Variants in CTSS observed in about 807,000 individuals in gnomAD.
CTSS encodes cathepsin S.
CTSS carries 15 observed loss-of-function variants against 39.9 expected under a neutral mutation model. The ratio of observed to expected loss-of-function variants is 0.38; its 90% CI spans 0.25 to 0.58. The LOEUF (loss-of-function observed/expected upper bound fraction) is 0.58. Among genes scored for constraint, CTSS ranks in the 20% least tolerant of loss-of-function variants. The pLI is 0.70. For synonymous variants in CTSS, 126 were observed against 138.2 expected (o/e 0.91, Z 0.62); for missense variants, 250 against 398.2 (o/e 0.63, Z 3.17).
intron 2 of CTSS, 73 bp from the exon 3 acceptor site, chr1:150,758,053 A>AT (rs371205604): frequency 0.2 from 224,387 of 1,129,342 alleles, 72 homozygotes; most frequent in Non-Finnish European, 0.21. Context: ...GAAAATGGCA[A>AT]TTTTTTTTTT....
intron 7 of CTSS, among the ~76,000 whole-genome samples, chr1:150,740,688 G>A (rs1008244658): frequency 1.8e-4 from 28 of 151,660 alleles, no homozygotes; most frequent in African/African-American, 5.3e-4. Context: ...CACTGTGCCC[G>A]GCCTCCTTCC....
intron 2 of CTSS, among the ~76,000 whole-genome samples, chr1:150,758,367 A>C (rs1653178346): frequency 6.6e-6 from 1 of 152,002 alleles, no homozygotes; most frequent in African/African-American, 2.4e-5. Flanking sequence ...GCATTTTTGA[A>C]GCATTCTACC....
intron 2 of CTSS, among the ~76,000 whole-genome samples, chr1:150,759,350 T>G (rs1294193431): frequency 1.3e-5 from 2 of 152,148 alleles, no homozygotes; most frequent in Non-Finnish European, 2.9e-5. Flanking sequence ...CCTAATTCTC[T>G]TCTTCAGAAA....
At chr1:150,760,262 T>C (rs1280555508) in intron 2 of CTSS, among the ~76,000 whole-genome samples, 1 of 152,138 alleles carries the variant, frequency 6.6e-6, no homozygotes, top group Non-Finnish European at 1.5e-5. Flanking sequence ...AACCGTATGA[T>C]CATTTAAATA....
chr1:150,747,920 T>A, intron 6 of CTSS, 41 bp from the exon 7 acceptor site: 1 of 1,305,890 alleles, frequency 7.7e-7, no homozygotes, highest in Non-Finnish European at 1.1e-6. Context: ...GTGAATACTA[T>A]AGGATAATAA....
At chr1:150,736,126 T>A (rs1652632368) in intron 7 of CTSS, among the ~76,000 whole-genome samples, 4 of 152,110 alleles carry the variant, frequency 2.6e-5, no homozygotes, top group Admixed American at 2.6e-4. Context: ...TCTTTTAATA[T>A]CCAGTTTGAT....
chr1:150,755,195 A>G (rs1000137095), intron 3 of CTSS, 45 bp from the exon 4 acceptor site: 8 of 1,592,914 alleles, frequency 5.0e-6, no homozygotes, highest in Non-Finnish European at 6.9e-6. Flanking sequence ...TGACTGGAAT[A>G]TGTTCTGAGA....
chr1:150,750,495 C>A (rs1039787793), intron 5 of CTSS, among the ~76,000 whole-genome samples: 2 of 152,090 alleles, frequency 1.3e-5, no homozygotes, highest in African/African-American at 4.8e-5. Flanking sequence ...GCTTTAAAAT[C>A]TTTTTGATGC....
At chr1:150,746,486 C>A (rs778610742) in intron 7 of CTSS, among the ~76,000 whole-genome samples, 2 of 152,092 alleles carry the variant, frequency 1.3e-5, no homozygotes, top group African/African-American at 4.8e-5. Context: ...CCCAAAGGCA[C>A]GTACAGAACA....
Position 150,764,723 on chromosome 1 carries a change from G to A in CTSS, c.41C>T (p.Ala14Val), listed in dbSNP as rs1277470350. 1 of 1,614,084 alleles carries A rather than the reference G, an allele frequency of 6.2e-7. No homozygotes were observed. Among genetic ancestry groups the A allele is most frequent in the Admixed American group, 1.7e-5 (1 of 60,012 alleles). ...AGGATCTTTATGCAACTGTGCCACTGCAGAGGAGCACACCAAGAGCACACA... is the reference window on the plus strand; with the variant it reads ...AGGATCTTTATGCAACTGTGCCACTACAGAGGAGCACACCAAGAGCACACA... ...LVCVLLVCSS[A>V]VAQLHKDPTL... Residue 14 changes from alanine (A) to valine (V), a missense_variant, in exon 2 of 8, where the codon GCA becomes GTA. Coordinates refer to ENST00000368985, the MANE Select transcript of CTSS (RefSeq NM_004079.5).
At chr1:150,754,965 A>G (rs1473714852) in intron 4 of CTSS, 36 bp downstream of exon 4, 2 of 1,598,568 alleles carry the variant, frequency 1.3e-6, no homozygotes, top group Non-Finnish European at 1.7e-6. Flanking sequence ...AAAGAGCTCT[A>G]CCTAGGGTTC....
intron 1 of CTSS, 42 bp from the exon 2 acceptor site, chr1:150,764,806 G>A: frequency 6.2e-7 from 1 of 1,604,470 alleles, no homozygotes. Context: ...GCTATTAGCT[G>A]CATATGTTGT....
intron 2 of CTSS, among the ~76,000 whole-genome samples, chr1:150,762,787 T>C (rs1344469426): frequency 6.6e-6 from 1 of 152,140 alleles, no homozygotes; most frequent in African/African-American, 2.4e-5. Context: ...TTGGTGAGGA[T>C]GTGGAGAAAA....
chr1:150,747,276 A>C (rs1652911283), intron 7 of CTSS, among the ~76,000 whole-genome samples: 3 of 152,076 alleles, frequency 2.0e-5, no homozygotes, highest in Admixed American at 2.0e-4. Context: ...AATTATTTGG[A>C]TGTATTGAGT....
intron 7 of CTSS, among the ~76,000 whole-genome samples, chr1:150,740,698 CT>C (rs1236351547): frequency 6.7e-6 from 1 of 148,162 alleles, no homozygotes; most frequent in Non-Finnish European, 1.5e-5. Context: ...GGCCTCCTTC[CT>C]TTTTTTTTCG....
chr1:150,743,525 A>C (rs1381919245), intron 7 of CTSS, among the ~76,000 whole-genome samples: 1 of 139,998 alleles, frequency 7.1e-6, no homozygotes, highest in Non-Finnish European at 1.5e-5. Flanking sequence ...ATATATTTAT[A>C]AATATATTTA....
In CTSS at chr1:150,732,583, A is replaced by T. The variant is rs1652546498; in HGVS notation, c.*463T>A. The T allele has an allele frequency of 6.5e-6, 1 of 153,156 alleles. No individual in the cohort carries two copies. The highest frequency in any genetic ancestry group is 1.5e-5 in the Non-Finnish European group (1 of 68,722). 9.5% of individuals were successfully genotyped at this position (153,156 alleles called of 1,614,324 possible). On this transcript the variant is annotated 3_prime_UTR_variant, in exon 8 of 8. Coordinates refer to ENST00000368985, the MANE Select transcript of CTSS (RefSeq NM_004079.5). ...ACTTTATCCTGAGATTTGCAAATTT[A>T]AAAAAATGAAGAATCAAACTATATT... is the stretch of plus-strand genomic sequence containing the variant.
rs773652271 is a variant in CTSS, at chr1:150,733,491, CAT to C, written c.897-348_897-347del. 6.8e-4 allele frequency among the ~76,000 whole-genome samples: 104 copies of C among 152,256 alleles called. 1 individual carries two copies. The highest frequency in any genetic ancestry group is 2.4e-4 in the Non-Finnish European group (16 of 68,018). ...TCTCTAAATTTTTTGATAACAGTAT[CAT>C]GTGTAATGATTTTCTATCAAACTTA... On this transcript the variant is annotated intron_variant, in intron 7 of 7. Coordinates refer to ENST00000368985, the MANE Select transcript of CTSS (RefSeq NM_004079.5).
intron 5 of CTSS, 116 bp from the exon 6 acceptor site, chr1:150,750,287 T>A: frequency 1.4e-6 from 1 of 722,798 alleles, no homozygotes; most frequent in Non-Finnish European, 2.2e-6. Context: ...TTCATGTGTC[T>A]AAGGCTCCTT....
Sources: gnomAD v4.1 joint callset for allele counts (sites outside exome capture counted in the v4.1 genomes callset) on GRCh38, gnomAD v4.1.1 for gene constraint, MANE v1.5 for transcripts, NCBI Gene and HGNC (gene_info 2026-07-23, HGNC 2026-07-21) for gene names.